Variants in GABBR2 observed in about 807,000 individuals in gnomAD.
The protein encoded by GABBR2 is gamma-aminobutyric acid type B receptor subunit 2.
Under a neutral mutation model 105.6 loss-of-function variants are expected in GABBR2, and 23 were observed. That is an observed-to-expected ratio of 0.22 (90% CI 0.16 to 0.31). The LOEUF is 0.31. GABBR2 is among the 10% of genes least tolerant of loss of function. GABBR2 has a pLI of 1.00. For missense variants in GABBR2, 734 were observed against 1,245.5 expected, an observed-to-expected ratio of 0.59 and a Z score of 6.18; for synonymous variants, 478 against 499.7, an observed-to-expected ratio of 0.96 and a Z score of 0.58.
At chr9:98,625,581 C>T (rs1346450617) in intron 1 of GABBR2, among the ~76,000 whole-genome samples, 1 of 152,198 alleles carries the variant, frequency 6.6e-6, no homozygotes, top group East Asian at 1.9e-4. Flanking sequence ...CTGAGAGTGT[C>T]AAATGAGACA....
At position 98,377,227 on chromosome 9, in the gene GABBR2, AG is replaced by A. The variant is rs1474369081; in HGVS notation, c.1663-5657del. Among the ~76,000 whole-genome samples the A allele has an allele frequency of 1.2e-4, 3 of 24,494 alleles. No individual in the cohort carries two copies. In the East Asian group the frequency reaches 3.0e-3, roughly 25 times the overall value. 16.1% of individuals were successfully genotyped at this position (24,494 alleles called of 152,430 possible). ...GCATTCTCAGATGGGTAGTGGCAGG[AG>A]GGGGTGGGGTGTGGTGGGGAGGGGG... On this transcript the variant is annotated intron_variant, in intron 11 of 18. Coordinates refer to ENST00000259455, the MANE Select transcript of GABBR2 (RefSeq NM_005458.8).
intron 8 of GABBR2, among the ~76,000 whole-genome samples, chr9:98,399,562 C>A (rs1185508953): frequency 1.3e-5 from 2 of 152,130 alleles, no homozygotes; most frequent in East Asian, 1.9e-4. Context: ...TTGCATCTTA[C>A]CCTACTCAGC....
chr9:98,465,462 C>T (rs1305072307), intron 6 of GABBR2, among the ~76,000 whole-genome samples: 1 of 152,164 alleles, frequency 6.6e-6, no homozygotes, highest in African/African-American at 2.4e-5. Context: ...AGGAAAATAT[C>T]TTCATAGCCT....
chr9:98,519,179 C>A (rs542730112), intron 3 of GABBR2, among the ~76,000 whole-genome samples: 24 of 152,176 alleles, frequency 1.6e-4, no homozygotes, highest in Non-Finnish European at 3.2e-4. Flanking sequence ...TCTGTCTGAG[C>A]CCCTGTCAGA....
rs1168972859 is a variant in GABBR2, at chr9:98,487,679, G to A, written c.733-6682C>T. ...TGTAGTCCCAGTTACTTGGGAGGCT[G>A]AGGTGGGAGGATTGCTTGAGCCCAG... On this transcript the variant is annotated intron_variant, in intron 4 of 18. Transcript: ENST00000259455. Among the ~76,000 whole-genome samples the A allele has an allele frequency of 4.0e-4, 60 of 148,936 alleles. 1 individual carries two copies. Among genetic ancestry groups the A allele is most frequent in the Admixed American group, 3.8e-3 (57 of 15,130 alleles).
At chr9:98,402,289 C>T (rs1832407805) in intron 8 of GABBR2, among the ~76,000 whole-genome samples, 1 of 152,122 alleles carries the variant, frequency 6.6e-6, no homozygotes, top group Non-Finnish European at 1.5e-5. Flanking sequence ...AAATTCAGAG[C>T]CATGTTTAGA....
chr9:98,480,263 T>C (rs1826888313), intron 5 of GABBR2, among the ~76,000 whole-genome samples: 1 of 152,186 alleles, frequency 6.6e-6, no homozygotes, highest in Non-Finnish European at 1.5e-5. Context: ...AGTTCCTGTG[T>C]TCTGTCCCCT....
At position 98,516,158 on chromosome 9, in the gene GABBR2, G is replaced by C. The variant is rs553007842; in HGVS notation, c.631-19644C>G. ...AAAAGCAAGCGATTAGGACACACGG[G>C]AAAGAGAAGCATGGCAGAACTGGAC... On this transcript the variant is annotated intron_variant, in intron 3 of 18. Coordinates refer to ENST00000259455, the MANE Select transcript of GABBR2 (RefSeq NM_005458.8). 3 of 152,490 alleles carry C rather than the reference G, an allele frequency of 2.0e-5. No individual in the cohort carries two copies. The South Asian group carries it at 6.2e-4, about 32-fold the overall frequency. The allele number at this position is 152,490 out of a possible 1,614,324, so 9.4% of individuals were successfully genotyped here.
chr9:98,517,799 G>A (rs1355623850), intron 3 of GABBR2, among the ~76,000 whole-genome samples: 1 of 152,180 alleles, frequency 6.6e-6, no homozygotes, highest in African/African-American at 2.4e-5. Context: ...GCCAATGGGA[G>A]CCCGGCAGGA....
intron 7 of GABBR2, among the ~76,000 whole-genome samples, chr9:98,444,868 T>TGC (rs201464357): frequency 0.045 from 5,149 of 115,238 alleles, 109 homozygotes; most frequent in African/African-American, 0.088. Context: ...CATATGCACA[T>TGC]GCGCGCGCGC....
At chr9:98,685,277 C>G (rs911829417) in intron 1 of GABBR2, among the ~76,000 whole-genome samples, 1 of 152,234 alleles carries the variant, frequency 6.6e-6, no homozygotes, top group Non-Finnish European at 1.5e-5. Flanking sequence ...CTCAGGCCTT[C>G]GGCCACAGAC....
intron 4 of GABBR2, among the ~76,000 whole-genome samples, chr9:98,493,812 C>T (rs972621024): frequency 6.6e-6 from 1 of 152,190 alleles, no homozygotes; most frequent in African/African-American, 2.4e-5. Context: ...ACACACTCAA[C>T]AAATTGTTGA....
chr9:98,631,325 G>C (rs1354964673), intron 1 of GABBR2, among the ~76,000 whole-genome samples: 1 of 152,142 alleles, frequency 6.6e-6, no homozygotes, highest in Non-Finnish European at 1.5e-5. Flanking sequence ...ACCTTCCTAA[G>C]CCTCAGTTTC....
At chr9:98,363,957 CA>C (rs1831632278) in intron 12 of GABBR2, among the ~76,000 whole-genome samples, 1 of 152,062 alleles carries the variant, frequency 6.6e-6, no homozygotes, top group Admixed American at 6.6e-5. Flanking sequence ...GAAAAACAAA[CA>C]AAACTCAGGC....
intron 4 of GABBR2, among the ~76,000 whole-genome samples, chr9:98,485,984 TG>T (rs2131652867): frequency 6.6e-6 from 1 of 152,276 alleles, no homozygotes; most frequent in Non-Finnish European, 1.5e-5. Flanking sequence ...ATCAGCTCTG[TG>T]GTGCTGTCTG....
At chr9:98,447,775 T>C (rs1826162454) in intron 7 of GABBR2, among the ~76,000 whole-genome samples, 1 of 151,806 alleles carries the variant, frequency 6.6e-6, no homozygotes, top group African/African-American at 2.4e-5. Flanking sequence ...TGAGTTTAAC[T>C]CTATGATGTC....
intron 13 of GABBR2, among the ~76,000 whole-genome samples, chr9:98,311,858 G>A (rs1362828876): frequency 2.0e-5 from 3 of 152,246 alleles, no homozygotes; most frequent in Non-Finnish European, 4.4e-5. Context: ...CCTAATGAGG[G>A]TTGATGGAGA....
At chr9:98,645,107 T>C (rs941654449) in intron 1 of GABBR2, among the ~76,000 whole-genome samples, 4 of 152,286 alleles carry the variant, frequency 2.6e-5, no homozygotes, top group Admixed American at 2.6e-4. Flanking sequence ...TGGCTTGCCA[T>C]GAATCCTAGG....
At chr9:98,567,968 A>G (rs1020177545) in intron 2 of GABBR2, among the ~76,000 whole-genome samples, 1 of 152,056 alleles carries the variant, frequency 6.6e-6, no homozygotes, top group Non-Finnish European at 1.5e-5. Flanking sequence ...TGAGTGAGAG[A>G]ATGAATGAAT....
Sources: gnomAD v4.1 joint callset for allele counts (sites outside exome capture counted in the v4.1 genomes callset) on GRCh38, gnomAD v4.1.1 for gene constraint, MANE v1.5 for transcripts, NCBI Gene and HGNC (gene_info 2026-07-23, HGNC 2026-07-21) for gene names.